GRID2: variants seen among roughly 807,000 people sequenced by gnomAD.
GRID2 encodes glutamate receptor ionotropic, delta-2.
In GRID2, 33 loss-of-function variants were observed where a neutral mutation model predicts 114.8. That is an observed-to-expected ratio of 0.29 (90% CI 0.22 to 0.38). The LOEUF is 0.38. Among genes scored for constraint, GRID2 ranks in the 10% least tolerant of loss-of-function variants. The pLI is 1.00. For synonymous variants in GRID2, 505 were observed against 449.9 expected, an observed-to-expected ratio of 1.12 and a Z score of -1.55; for missense variants, 1,184 against 1,257.7, an observed-to-expected ratio of 0.94 and a Z score of 0.89.
At chr4:93,059,435 A>T (rs142908976) in intron 2 of GRID2, among the ~76,000 whole-genome samples, 37 of 152,194 alleles carry the variant, frequency 2.4e-4, no homozygotes, top group African/African-American at 8.4e-4. Context: ...CAGCAATTCC[A>T]TCATGCTCAC....
chr4:93,803,684 C>T (rs558850304), intron 1 of GRID2, among the ~76,000 whole-genome samples: 5 of 152,018 alleles, frequency 3.3e-5, no homozygotes, highest in South Asian at 2.1e-4. Context: ...ATTGCCCCAA[C>T]GCACACCAGC....
chr4:92,616,536 G>A (rs1730011896), intron 2 of GRID2, among the ~76,000 whole-genome samples: 2 of 151,076 alleles, frequency 1.3e-5, no homozygotes, highest in Admixed American at 6.6e-5. Context: ...TGAAATTTGG[G>A]GAAATTTTTA....
chr4:93,323,947 G>T (rs937695175), intron 8 of GRID2, among the ~76,000 whole-genome samples: 16 of 152,090 alleles, frequency 1.1e-4, no homozygotes, highest in Non-Finnish European at 1.6e-4. Flanking sequence ...GAGATTTTGG[G>T]CTGAGACGAT....
intron 3 of GRID2, among the ~76,000 whole-genome samples, chr4:93,099,201 T>C (rs1158854937): frequency 2.0e-5 from 3 of 152,040 alleles, no homozygotes; most frequent in South Asian, 4.1e-4. Flanking sequence ...CATATACACA[T>C]GTACCTCCTT....
chr4:92,945,735 A>G (rs1005289886), intron 2 of GRID2, among the ~76,000 whole-genome samples: 1 of 152,126 alleles, frequency 6.6e-6, no homozygotes, highest in African/African-American at 2.4e-5. Flanking sequence ...ATTGGATGTT[A>G]GTGATTTTAT....
chr4:93,591,678 T>A (rs1224590063), intron 13 of GRID2, among the ~76,000 whole-genome samples: 1 of 152,040 alleles, frequency 6.6e-6, no homozygotes, highest in African/African-American at 2.4e-5. Flanking sequence ...TGTGAATCCA[T>A]CTGGTCCTGG....
At chr4:93,284,590 A>T (rs1391584188) in intron 8 of GRID2, among the ~76,000 whole-genome samples, 1 of 151,874 alleles carries the variant, frequency 6.6e-6, no homozygotes, top group African/African-American at 2.4e-5. Flanking sequence ...CAACAGAAGG[A>T]TTATATCTTC....
chr4:93,249,792 G>A (rs1187905335), intron 8 of GRID2, among the ~76,000 whole-genome samples: 11 of 151,902 alleles, frequency 7.2e-5, no homozygotes, highest in Non-Finnish European at 1.6e-4. Flanking sequence ...AAACCACAAC[G>A]AGATACCATC....
At chr4:92,945,148 C>T (rs1011532033) in intron 2 of GRID2, among the ~76,000 whole-genome samples, 10 of 152,126 alleles carry the variant, frequency 6.6e-5, no homozygotes, top group Non-Finnish European at 2.9e-5. Context: ...TTTATTGCTT[C>T]TATACATCCT....
intron 10 of GRID2, among the ~76,000 whole-genome samples, chr4:93,445,373 GA>G (rs1329710084): frequency 2.6e-5 from 4 of 151,922 alleles, no homozygotes; most frequent in African/African-American, 9.7e-5. Context: ...TTACCTGCAG[GA>G]AGAAAATAGG....
intron 1 of GRID2, among the ~76,000 whole-genome samples, chr4:92,358,589 A>G (rs1395454258): frequency 6.6e-6 from 1 of 151,976 alleles, no homozygotes; most frequent in African/African-American, 2.4e-5. Context: ...CATTAATACT[A>G]TAACCTAAAT....
chr4:93,787,691 C>G (rs1451472528), intron 1 of GRID2, among the ~76,000 whole-genome samples: 1 of 152,102 alleles, frequency 6.6e-6, no homozygotes, highest in Non-Finnish European at 1.5e-5. Context: ...ATTACTCTTT[C>G]TTCAGTGCTT....
At chr4:92,878,536 A>G (rs1039847918) in intron 2 of GRID2, among the ~76,000 whole-genome samples, 1 of 152,138 alleles carries the variant, frequency 6.6e-6, no homozygotes, top group African/African-American at 2.4e-5. Context: ...TCTATTATTA[A>G]GAAGTTCAAG....
chr4:93,459,994 G>T (rs1723591220), intron 11 of GRID2, among the ~76,000 whole-genome samples: 4 of 152,100 alleles, frequency 2.6e-5, no homozygotes, highest in Admixed American at 2.6e-4. Flanking sequence ...TATCTAGAAA[G>T]ATTAGCCTAG....
At chr4:93,488,595 T>C (rs1726646520) in intron 11 of GRID2, among the ~76,000 whole-genome samples, 1 of 152,028 alleles carries the variant, frequency 6.6e-6, no homozygotes, top group Non-Finnish European at 1.5e-5. Context: ...AACTAACTTC[T>C]TTTAGAAGGC....
At chr4:92,943,289 G>A (rs1043456433) in intron 2 of GRID2, among the ~76,000 whole-genome samples, 18 of 151,860 alleles carry the variant, frequency 1.2e-4, no homozygotes, top group Non-Finnish European at 2.4e-4. Context: ...TTTTTTCTCT[G>A]AACTTCTCTT....
intron 2 of GRID2, among the ~76,000 whole-genome samples, chr4:92,657,683 C>G (rs1011699001): frequency 6.6e-6 from 1 of 151,594 alleles, no homozygotes; most frequent in East Asian, 1.9e-4. Flanking sequence ...AATAAATGCT[C>G]TATTTGTTTT....
chr4:93,068,253 A>C (rs996716683), intron 2 of GRID2, among the ~76,000 whole-genome samples: 6 of 152,052 alleles, frequency 3.9e-5, no homozygotes, highest in Admixed American at 1.3e-4. Context: ...TTTCTGATAC[A>C]TGTTTTAATT....
At position 93,293,626 on chromosome 4, in the gene GRID2, G is replaced by A. The variant is rs1044501368; in HGVS notation, c.1245+55136G>A. ...ATTGAAAAAAAAAAATGCCTACAAA[G>A]TAGTTGTTGCCAAAATAATTTGCGG... On this transcript the variant is annotated intron_variant, in intron 8 of 15. Transcript: ENST00000282020. 6.6e-5 allele frequency among the ~76,000 whole-genome samples: 10 copies of A among 151,354 alleles called. 1 individual carries two copies. Among genetic ancestry groups the A allele is most frequent in the Non-Finnish European group, 1.5e-5 (1 of 67,892 alleles).
Sources: gnomAD v4.1 joint callset for allele counts (sites outside exome capture counted in the v4.1 genomes callset) on GRCh38, gnomAD v4.1.1 for gene constraint, MANE v1.5 for transcripts, NCBI Gene and HGNC (gene_info 2026-07-23, HGNC 2026-07-21) for gene names.